The following NLRP1 variants were observed in gnomAD, a reference collection of about 807,000 sequenced individuals.
The protein encoded by NLRP1 is NACHT, LRR and PYD domains-containing protein 1.
Under a neutral mutation model 136.7 loss-of-function variants are expected in NLRP1, and 94 were observed. That is an observed-to-expected ratio of 0.69 (90% CI 0.58 to 0.82). The LOEUF (loss-of-function observed/expected upper bound fraction) is 0.82, where lower values mean the gene tolerates loss of function less well. NLRP1 is among the 40% of genes least tolerant of loss of function. NLRP1 has a pLI of 0.00. For missense variants in NLRP1, 1,575 were observed against 1,802.7 expected (o/e 0.87, Z 2.29); for synonymous variants, 690 against 725.1 (o/e 0.95, Z 0.78).
intron 3 of NLRP1, among the ~76,000 whole-genome samples, chr17:5,577,426 A>G (rs993122022): frequency 4.6e-5 from 7 of 152,274 alleles, no homozygotes; most frequent in Non-Finnish European, 1.0e-4. Context: ...CTCAGGATAC[A>G]AAATCAATGT....
intron 5 of NLRP1, among the ~76,000 whole-genome samples, chr17:5,543,754 G>C (rs764479485): frequency 2.0e-5 from 3 of 152,148 alleles, no homozygotes; most frequent in Non-Finnish European, 4.4e-5. Flanking sequence ...ATGAGCAACT[G>C]TCAGAGCAGC....
At position 5,537,019 on chromosome 17, in the gene NLRP1, C is replaced by A. The variant is rs765643114; in HGVS notation, c.2871-79G>T. On this transcript the variant is annotated intron_variant, in intron 7 of 16. Coordinates refer to ENST00000572272, the MANE Select transcript of NLRP1 (RefSeq NM_033004.4). The surrounding 1 kb of genome is among the most constrained non-coding windows in gnomAD (Gnocchi z 4.5). ...GTCCCCAGGGCCCAGAATCCTGGGA[C>A]CTGTCACCTTCTGAGGCAGCGGCCG... 1.4e-5 allele frequency: 14 copies of A among 1,015,080 alleles called. No individual in the cohort carries two copies. Among genetic ancestry groups the A allele is most frequent in the Non-Finnish European group, 2.0e-5 (13 of 642,176 alleles). The allele number at this position is 1,015,080 out of a possible 1,614,324, so 62.9% of individuals were successfully genotyped here.
chr17:5,533,038 G>A, intron 10 of NLRP1, 54 bp from the exon 11 acceptor site: 1 of 1,543,988 alleles, frequency 6.5e-7, no homozygotes. Context: ...GCCTCCCCTA[G>A]CCCCTATGGC....
rs758960121 is a variant in NLRP1 at position 5,532,855 on chromosome 17, G to A, written c.3263C>T (p.Thr1088Ile). 2 of 1,610,178 alleles carry A rather than the reference G, an allele frequency of 1.2e-6. No individual in the cohort carries two copies. Among genetic ancestry groups the A allele is most frequent in the African/African-American group, 1.3e-5 (1 of 74,706 alleles). ...GTTCTTTTCTTTGTCAACTACCTCA[G>A]TAGCCACAGGCCCCGTGGGGCCCCA... is the stretch of plus-strand genomic sequence containing the variant. Reference protein sequence around the residue: ...DFWGPTGPVATEVVDKEKNLY... With the variant: ...DFWGPTGPVAIEVVDKEKNLY... The change falls in exon 11 of 17, where the codon ACT becomes ATT. Residue 1088 changes from threonine to isoleucine, a missense_variant. By Grantham distance (89) the Thr-to-Ile change is moderately conservative (BLOSUM62 -1). Transcript: ENST00000572272.
Position 5,541,076 on chromosome 17 carries a change from G to A in NLRP1, c.2699+781C>T, listed in dbSNP as rs758805311. On this transcript the variant is annotated intron_variant, in intron 6 of 16. Transcript: ENST00000572272. This position sits in a 1 kb window ranked among gnomAD's most constrained non-coding sequence, Gnocchi z 4.2. ...CTTTTCTTTTTTAAGAAGGAGTCTCGCTCTGTTGCCCAGGCTGGAGTGTAA... is the reference window on the plus strand; with the variant it reads ...CTTTTCTTTTTTAAGAAGGAGTCTCACTCTGTTGCCCAGGCTGGAGTGTAA... Among the ~76,000 whole-genome samples, 3 of 152,096 alleles carry A rather than the reference G, an allele frequency of 2.0e-5. No homozygotes were observed. Among genetic ancestry groups the A allele is most frequent in the Admixed American group, 6.6e-5 (1 of 15,266 alleles).
At position 5,539,542 on chromosome 17, in the gene NLRP1, C is replaced by T. The variant is rs148522172; in HGVS notation, c.2743G>A (p.Ala915Thr). 5.0e-5 allele frequency: 81 copies of T among 1,613,732 alleles called. 1 individual carries two copies. In the East Asian group the frequency reaches 8.2e-4, roughly 16 times the overall value. Reference sequence around the variant, plus strand: ...CTGGGGCTGGCACTAAGCACAGAGGCCAGGTCCTGGCAGCAGTCAGACGTG... The same window carrying T: ...CTGGGGCTGGCACTAAGCACAGAGGTCAGGTCCTGGCAGCAGTCAGACGTG... ...GLTSDCCQDL[A>T]SVLSASPSLK... The change falls in exon 7 of 17, where the codon GCC becomes ACC. Residue 915 changes from alanine to threonine, a missense_variant. By Grantham distance (58) the Ala-to-Thr change is moderately conservative. Coordinates refer to ENST00000572272, the MANE Select transcript of NLRP1 (RefSeq NM_033004.4).
chr17:5,538,603 A>G (rs1377778608), intron 7 of NLRP1, among the ~76,000 whole-genome samples: 1 of 152,142 alleles, frequency 6.6e-6, no homozygotes. Context: ...GTGCATTTAC[A>G]GGTGACCAGT....
At position 5,581,891 on chromosome 17, in the gene NLRP1, G is replaced by C. The variant is rs1250088617; in HGVS notation, c.620C>G (p.Pro207Arg). 1.9e-6 allele frequency: 3 copies of C among 1,613,064 alleles called. No homozygotes were observed. Among genetic ancestry groups the C allele is most frequent in the African/African-American group, 2.7e-5 (2 of 74,880 alleles). Reference sequence around the variant, plus strand: ...GTAAATTCCTGACGTTTCATCCAGAGGCCATTGGGTCCCAGGAGCCTCCTG... The same window carrying C: ...GTAAATTCCTGACGTTTCATCCAGACGCCATTGGGTCCCAGGAGCCTCCTG... ...REQEAPGTQW[P>R]LDETSGIYYT... The change falls in exon 3 of 17, where the codon CCT becomes CGT. Residue 207 changes from proline to arginine, a missense_variant. Transcript: ENST00000572272.
At chr17:5,509,372 G>A (rs969430147), downstream of NLRP1, among the ~76,000 whole-genome samples, 6 of 152,190 alleles carry the variant, frequency 3.9e-5, no homozygotes, top group African/African-American at 1.4e-4. Context: ...ACTGGGGCCT[G>A]GACCAGAGTG....
At chr17:5,570,748 AGGTATCATTCTATGAGTTT>A (rs1443810924) in intron 3 of NLRP1, among the ~76,000 whole-genome samples, 3 of 152,068 alleles carry the variant, frequency 2.0e-5, no homozygotes, top group Non-Finnish European at 2.9e-5. Context: ...TCTATGAGTT[AGGTATCATTCTATGAGTTT>A]GGTATCATTC....
At chr17:5,557,092 C>T (rs902739202) in intron 4 of NLRP1, among the ~76,000 whole-genome samples, 4 of 152,330 alleles carry the variant, frequency 2.6e-5, no homozygotes, top group East Asian at 3.9e-4. Context: ...CAAACTCCGT[C>T]TCCCAGATTC....
At chr17:5,509,319 C>T (rs1907508391), downstream of NLRP1, among the ~76,000 whole-genome samples, 1 of 152,168 alleles carries the variant, frequency 6.6e-6, no homozygotes, top group African/African-American at 2.4e-5. Flanking sequence ...ATCACAGGTT[C>T]CAGAGGACCT....
At position 5,514,821 on chromosome 17, in the gene NLRP1, T is replaced by C. The variant is rs761517839; in HGVS notation, c.4355A>G (p.His1452Arg). 3 of 1,614,066 alleles carry C rather than the reference T, an allele frequency of 1.9e-6. No homozygotes were observed. Among genetic ancestry groups the C allele is most frequent in the Non-Finnish European group, 2.5e-6 (3 of 1,180,012 alleles). The stretch of plus-strand genomic sequence containing the variant: ...CCAGAGTTCCATAATGAGGTGAGGA[T>C]GGGTCTCCTTCAGGGCTTGGTAGAG... ...DGLYQALKETHPHLIMELWEK... is the reference protein window; with the variant it reads ...DGLYQALKETRPHLIMELWEK... Residue 1452 changes from histidine (H) to arginine (R), a missense_variant, in exon 17 of 17, where the codon CAT becomes CGT. By Grantham distance (29) the His-to-Arg change is conservative (BLOSUM62 0). Coordinates refer to ENST00000572272, the MANE Select transcript of NLRP1 (RefSeq NM_033004.4).
At chr17:5,577,368 C>T (rs192254305) in intron 3 of NLRP1, among the ~76,000 whole-genome samples, 6 of 152,296 alleles carry the variant, frequency 3.9e-5, no homozygotes, top group South Asian at 4.1e-4. Context: ...AAAACCCCAT[C>T]GTCTCAGCCC....
downstream of NLRP1, among the ~76,000 whole-genome samples, chr17:5,512,895 T>C (rs1281697681): frequency 2.6e-5 from 4 of 152,204 alleles, no homozygotes; most frequent in Admixed American, 2.6e-4. Context: ...TACCGCATCT[T>C]ATCAGTGGAG....
Position 5,514,179 on chromosome 17 carries a change from T to C in NLRP1, c.*575A>G, listed in dbSNP as rs917613073. 6.5e-6 allele frequency: 1 copy of C among 154,692 alleles called. No individual in the cohort carries two copies. Among genetic ancestry groups the C allele is most frequent in the Non-Finnish European group, 1.4e-5 (1 of 70,338 alleles). 9.6% of individuals were successfully genotyped at this position (154,692 alleles called of 1,614,324 possible). A position where few individuals can be genotyped will look rare whatever the true frequency, so the allele number is the denominator to read the frequency against. ...TTTCTTTTTTGTATTTTTTTAATTC[T>C]TAAATTTAAGTAAAAAATTTTTAAT... On this transcript the variant is annotated 3_prime_UTR_variant, in exon 17 of 17. Transcript: ENST00000572272.
At chr17:5,578,881 A>G (rs1292168284) in intron 3 of NLRP1, among the ~76,000 whole-genome samples, 2 of 152,248 alleles carry the variant, frequency 1.3e-5, no homozygotes, top group Non-Finnish European at 2.9e-5. Context: ...TCAATGATAG[A>G]CTGGATTAAG....
intron 3 of NLRP1, among the ~76,000 whole-genome samples, chr17:5,575,695 T>C (rs1904941202): frequency 6.6e-6 from 1 of 152,160 alleles, no homozygotes; most frequent in East Asian, 1.9e-4. Flanking sequence ...AACACCCCCC[T>C]GTCAACATTA....
chr17:5,559,901 G>A lies in NLRP1; in HGVS notation c.795C>T (p.Ser265=). The change falls in exon 4 of 17, where the codon TCC becomes TCT. Residue 265 remains serine (S), a synonymous_variant. Coordinates refer to ENST00000572272, the MANE Select transcript of NLRP1 (RefSeq NM_033004.4). ...AATCCTCATTTTTCCAGGGCCATGT[G>A]GAACAGAGGCTCTCTCTCACAGAAG... ...WEPSVRESLC[S]TWPWKNEDFN... The A allele has an allele frequency of 2.5e-6, 4 of 1,614,218 alleles. No homozygotes were observed. Among genetic ancestry groups the A allele is most frequent in the South Asian group, 1.1e-5 (1 of 91,090 alleles).
Sources: gnomAD v4.1 joint callset for allele counts (sites outside exome capture counted in the v4.1 genomes callset) on GRCh38, gnomAD v4.1.1 for gene constraint, Gnocchi (gnomAD v3.1) non-coding constraint, MANE v1.5 for transcripts, NCBI Gene and HGNC (gene_info 2026-07-23, HGNC 2026-07-21) for gene names.